The following NPAS3 variants were observed in gnomAD, a reference collection of about 807,000 sequenced individuals.
NPAS3 encodes the protein neuronal PAS domain-containing protein 3.
In NPAS3, 14 loss-of-function variants were observed where a neutral mutation model predicts 73.1. The observed-to-expected ratio is 0.19, with a 90% confidence interval of 0.13 to 0.30. The LOEUF (loss-of-function observed/expected upper bound fraction) is 0.30, where lower values mean the gene tolerates loss of function less well. Among genes scored for constraint, NPAS3 ranks in the 10% least tolerant of loss-of-function variants. NPAS3 has a pLI of 1.00. For synonymous variants in NPAS3, 620 were observed against 541.5 expected (o/e 1.14, Z -2.01); for missense variants, 1,096 against 1,250.0 (o/e 0.88, Z 1.86).
intron 5 of NPAS3, among the ~76,000 whole-genome samples, chr14:33,584,232 A>G (rs1436416523): frequency 6.6e-6 from 1 of 152,170 alleles, no homozygotes; most frequent in African/African-American, 2.4e-5. Context: ...GTTCGTTTTG[A>G]TATTTTGGTA....
intron 7 of NPAS3, among the ~76,000 whole-genome samples, chr14:33,761,320 T>A (rs1216535953): frequency 6.6e-6 from 1 of 152,168 alleles, no homozygotes. Context: ...TTTCACTTCA[T>A]TCAAAAGACT....
At chr14:32,962,569 C>CTTTTTTTTT (rs71432096) in intron 1 of NPAS3, among the ~76,000 whole-genome samples, 77 of 110,650 alleles carry the variant, frequency 7.0e-4, no homozygotes, top group Non-Finnish European at 9.9e-4. Flanking sequence ...TTTTTCTTTT[C>CTTTTTTTTT]TTTTTTTTTT....
rs1258474278 is a variant in NPAS3, at chr14:32,966,661, T to A, written c.50+27295T>A. 9.2e-5 allele frequency among the ~76,000 whole-genome samples: 7 copies of A among 75,898 alleles called. 3 individuals carry two copies. Among genetic ancestry groups the A allele is most frequent in the African/African-American group, 4.6e-4 (7 of 15,322 alleles). The allele number at this position is 75,898 out of a possible 152,430, so 49.8% of individuals were successfully genotyped here. A position where few individuals can be genotyped will look rare whatever the true frequency, so the allele number is the denominator to read the frequency against. On this transcript the variant is annotated intron_variant, in intron 1 of 11. Coordinates refer to ENST00000356141, the Ensembl canonical transcript of NPAS3. ...GGCGGGCGCCTGTAGTCCCAGCTAC[T>A]GGGGAGGCTGAGGCAGGAGAATGGC...
chr14:33,503,520 A>G (rs2052615034), intron 4 of NPAS3, among the ~76,000 whole-genome samples: 1 of 151,908 alleles, frequency 6.6e-6, no homozygotes, highest in African/African-American at 2.4e-5. Flanking sequence ...AGTGTGCTTT[A>G]TATAATCCAG....
intron 4 of NPAS3, among the ~76,000 whole-genome samples, chr14:33,373,688 T>A (rs7161235): frequency 0.034 from 5,189 of 152,282 alleles, 324 homozygotes; most frequent in African/African-American, 0.12. Flanking sequence ...TGTCAATTTT[T>A]GCTTGGCCAT....
At chr14:33,556,351 G>T (rs1157727617) in intron 4 of NPAS3, among the ~76,000 whole-genome samples, 1 of 152,116 alleles carries the variant, frequency 6.6e-6, no homozygotes, top group Non-Finnish European at 1.5e-5. Context: ...AATATCAGGA[G>T]GTATCCCAGA....
chr14:33,612,731 A>G (rs569878275), intron 5 of NPAS3: 10 of 323,570 alleles, frequency 3.1e-5, no homozygotes, highest in Middle Eastern at 1.1e-3. Context: ...ATATCTCCTA[A>G]GACTAGCTGA....
chr14:33,539,799 C>T (rs2054426556), intron 4 of NPAS3, among the ~76,000 whole-genome samples: 1 of 152,112 alleles, frequency 6.6e-6, no homozygotes, highest in East Asian at 1.9e-4. Flanking sequence ...ACAGTTAGTT[C>T]TTAATATTAT....
chr14:33,152,915 T>G (rs2044506373), intron 2 of NPAS3, among the ~76,000 whole-genome samples: 1 of 152,170 alleles, frequency 6.6e-6, no homozygotes, highest in Admixed American at 6.5e-5. Flanking sequence ...GTCCCCATTT[T>G]GGTGCTCTGG....
intron 1 of NPAS3, among the ~76,000 whole-genome samples, chr14:32,970,790 C>CTG (rs138968777): frequency 9.9e-5 from 15 of 152,120 alleles, no homozygotes; most frequent in Middle Eastern, 3.4e-3. Flanking sequence ...GGTGTTTTTC[C>CTG]TGTGTGTGTG....
intron 3 of NPAS3, among the ~76,000 whole-genome samples, chr14:33,365,201 CAAAAAA>C (rs371230319): frequency 2.2e-5 from 1 of 45,070 alleles, no homozygotes; most frequent in African/African-American, 1.1e-4. Context: ...CCCATAATCT[CAAAAAA>C]AAAAAAAAAA....
intron 2 of NPAS3, among the ~76,000 whole-genome samples, chr14:33,198,516 G>T (rs560191863): frequency 6.6e-6 from 1 of 152,318 alleles, no homozygotes; most frequent in South Asian, 2.1e-4. Flanking sequence ...ACAGAGCACT[G>T]ATTGGTGCGT....
At chr14:33,434,319 G>T (rs1351003375) in intron 4 of NPAS3, among the ~76,000 whole-genome samples, 3 of 152,042 alleles carry the variant, frequency 2.0e-5, no homozygotes, top group Admixed American at 2.0e-4. Flanking sequence ...TTGAGCCTAG[G>T]AATTTGAGAC....
In NPAS3 at chr14:33,452,774, CAAAAAA is replaced by C. The variant is rs61640170; in HGVS notation, c.468+85526_468+85531del. ...TGGGCGACAGAGTTAGACTCTGTCT[CAAAAAA>C]AAAAAAAAAAAAAAAAAAAGGCAAG... On this transcript the variant is annotated intron_variant, in intron 4 of 11. Coordinates refer to ENST00000356141, the Ensembl canonical transcript of NPAS3. 9.5e-3 allele frequency among the ~76,000 whole-genome samples: 511 copies of C among 53,820 alleles called. 5 individuals are homozygous for C. The Middle Eastern group carries it at 0.11, about 11-fold the overall frequency. The allele number at this position is 53,820 out of a possible 152,430, so 35.3% of individuals were successfully genotyped here. A position where few individuals can be genotyped will look rare whatever the true frequency, so the allele number is the denominator to read the frequency against.
intron 5 of NPAS3, among the ~76,000 whole-genome samples, chr14:33,562,347 C>T (rs762541805): frequency 1.3e-5 from 2 of 152,158 alleles, no homozygotes; most frequent in Non-Finnish European, 2.9e-5. Flanking sequence ...TTTTAAAGCA[C>T]GTACCAGTAG....
At chr14:33,625,833 A>G (rs2058204398) in intron 5 of NPAS3, among the ~76,000 whole-genome samples, 1 of 152,216 alleles carries the variant, frequency 6.6e-6, no homozygotes, top group Non-Finnish European at 1.5e-5. Flanking sequence ...CAATAGGAGA[A>G]TTCATGATTT....
At position 32,983,528 on chromosome 14, in the gene NPAS3, C is replaced by T. The variant is rs544895283; in HGVS notation, c.50+44162C>T. On this transcript the variant is annotated intron_variant, in intron 1 of 11. Coordinates refer to ENST00000356141, the Ensembl canonical transcript of NPAS3. ...ACAATAATATTAAGTGCAAAATTTCCCTTTATAGATGAAAAAATAATATAC... is the reference window on the plus strand; with the variant it reads ...ACAATAATATTAAGTGCAAAATTTCTCTTTATAGATGAAAAAATAATATAC... Among the ~76,000 whole-genome samples, 36 of 151,892 alleles carry T rather than the reference C, an allele frequency of 2.4e-4. No homozygotes were observed. In the South Asian group the frequency reaches 7.5e-3, roughly 32 times the overall value.
At chr14:33,600,440 A>G (rs1595247912) in intron 5 of NPAS3, among the ~76,000 whole-genome samples, 1 of 152,196 alleles carries the variant, frequency 6.6e-6, no homozygotes, top group African/African-American at 2.4e-5. Flanking sequence ...CTCCTGATAA[A>G]TTAAGAGCTC....
At chr14:33,134,852 TAA>T (rs2043774811) in intron 2 of NPAS3, among the ~76,000 whole-genome samples, 1 of 83,320 alleles carries the variant, frequency 1.2e-5, no homozygotes, top group Admixed American at 1.7e-4. Flanking sequence ...TGAATGTGCT[TAA>T]AGACTGATTT....
Sources: gnomAD v4.1 joint callset for allele counts (sites outside exome capture counted in the v4.1 genomes callset) on GRCh38, gnomAD v4.1.1 for gene constraint, MANE v1.5 for transcripts, NCBI Gene and HGNC (gene_info 2026-07-23, HGNC 2026-07-21) for gene names.